The following POLA1 variants were observed in gnomAD, a reference collection of about 807,000 sequenced individuals.
The protein encoded by POLA1 is DNA polymerase alpha 1, catalytic subunit.
A neutral mutation model predicts 124.0 loss-of-function variants in POLA1; 15 were observed. The ratio of observed to expected loss-of-function variants is 0.12; its 90% CI spans 0.08 to 0.19. POLA1 has a LOEUF of 0.19. Ranked by LOEUF, POLA1 falls within the 10% of genes least tolerant of loss-of-function variation. POLA1 has a pLI of 1.00. For missense variants in POLA1, 886 were observed against 1,103.4 expected, an observed-to-expected ratio of 0.80 and a Z score of 2.79; for synonymous variants, 408 against 389.4, an observed-to-expected ratio of 1.05 and a Z score of -0.56.
intron 34 of POLA1, 128 bp downstream of exon 34, chrX:24,843,805 C>A: frequency 2.9e-6 from 1 of 343,705 alleles, no homozygotes; most frequent in Non-Finnish European, 4.9e-6. Flanking sequence ...ACTATTAATA[C>A]AAATATGATA....
chrX:24,736,526 A>T (rs1018380431), intron 18 of POLA1, among the ~76,000 whole-genome samples: 11 of 111,871 alleles, frequency 9.8e-5, no homozygotes, highest in African/African-American at 3.6e-4. Context: ...TGCGTGAGAA[A>T]TCTAGATGTA....
At chrX:24,957,883 A>G (rs890842866) in intron 36 of POLA1, among the ~76,000 whole-genome samples, 5 of 110,074 alleles carry the variant, frequency 4.5e-5, no homozygotes, top group African/African-American at 1.7e-4. Context: ...TAGTTGGAAG[A>G]TTTTAGTCAT....
At chrX:24,990,094 G>A (rs757803871) in intron 36 of POLA1, among the ~76,000 whole-genome samples, 2 of 111,907 alleles carry the variant, frequency 1.8e-5, no homozygotes, top group East Asian at 5.6e-4. Context: ...ACAGAGATAC[G>A]TGTAAAATAC....
At chrX:24,848,339 C>T (rs189581578) in intron 34 of POLA1, among the ~76,000 whole-genome samples, 7 of 112,082 alleles carry the variant, frequency 6.2e-5, no homozygotes, top group East Asian at 5.6e-4. Flanking sequence ...CTTATGCACA[C>T]GTTTAAGCAC....
chrX:24,983,795 G>A (rs1000132896), intron 36 of POLA1, among the ~76,000 whole-genome samples: 2 of 48,117 alleles, frequency 4.2e-5, no homozygotes, highest in African/African-American at 1.7e-4. Context: ...TGTGTAGATC[G>A]TCCTGTCTTA....
At chrX:24,905,724 G>A (rs966129381) in intron 35 of POLA1, among the ~76,000 whole-genome samples, 1 of 110,274 alleles carries the variant, frequency 9.1e-6, no homozygotes, top group Non-Finnish European at 1.9e-5. Context: ...CACCACGCCC[G>A]GCTAATTTTT....
chrX:24,756,478 G>T (rs1003264152), intron 26 of POLA1, among the ~76,000 whole-genome samples: 1 of 109,268 alleles, frequency 9.2e-6, no homozygotes, highest in Non-Finnish European at 1.9e-5. Flanking sequence ...CAGGAGAACT[G>T]CTTGAACCCG....
At chrX:24,889,023 C>T (rs1251137280) in intron 35 of POLA1, among the ~76,000 whole-genome samples, 3 of 110,776 alleles carry the variant, frequency 2.7e-5, no homozygotes, top group African/African-American at 9.9e-5. Context: ...GCGTATGCCA[C>T]CACACCTGGC....
At chrX:24,923,296 G>A (rs1484142214) in intron 35 of POLA1, among the ~76,000 whole-genome samples, 1 of 111,377 alleles carries the variant, frequency 9.0e-6, no homozygotes, top group Non-Finnish European at 1.9e-5. Flanking sequence ...TTAGTATGTT[G>A]TTATTAATTG....
intron 26 of POLA1, among the ~76,000 whole-genome samples, chrX:24,773,404 A>G (rs750732521): frequency 8.9e-6 from 1 of 111,939 alleles, no homozygotes; most frequent in Non-Finnish European, 1.9e-5. Context: ...TATGCCACAA[A>G]GTGAGAAGGA....
At chrX:24,818,500 A>G (rs1353507471) in intron 30 of POLA1, among the ~76,000 whole-genome samples, 1 of 111,437 alleles carries the variant, frequency 9.0e-6, no homozygotes, top group Admixed American at 9.6e-5. Flanking sequence ...GTAAGTTTAC[A>G]TAACTTGGGC....
chrX:24,708,003 G>A (rs761378789), intron 4 of POLA1, among the ~76,000 whole-genome samples: 1 of 111,824 alleles, frequency 8.9e-6, no homozygotes, highest in African/African-American at 3.3e-5. Flanking sequence ...AAACCATAGA[G>A]AAAAATATCA....
chrX:24,894,186 A>G (rs1037846627), intron 35 of POLA1, among the ~76,000 whole-genome samples: 5 of 112,281 alleles, frequency 4.5e-5, no homozygotes. Context: ...TGCTCTCACT[A>G]GCACTAGTAT....
chrX:24,724,528 T>A (rs1930413653), intron 12 of POLA1, 77 bp downstream of exon 12: 1 of 515,507 alleles, frequency 1.9e-6, no homozygotes. Context: ...TATTGCATAT[T>A]TTCTTTGTGT....
chrX:24,862,345 A>C (rs1313512543), intron 34 of POLA1, among the ~76,000 whole-genome samples: 1 of 111,568 alleles, frequency 9.0e-6, no homozygotes, highest in Non-Finnish European at 1.9e-5. Context: ...TCTTGTTGAT[A>C]ATTTGTTTTC....
At chrX:24,768,512 T>A (rs1184578550) in intron 26 of POLA1, among the ~76,000 whole-genome samples, 1 of 112,388 alleles carries the variant, frequency 8.9e-6, no homozygotes, top group Non-Finnish European at 1.9e-5. Context: ...GTTGTTTGCC[T>A]TAAGCAGAAT....
At chrX:24,970,006 C>T (rs77545235) in intron 36 of POLA1, among the ~76,000 whole-genome samples, 1 of 112,534 alleles carries the variant, frequency 8.9e-6, no homozygotes, top group South Asian at 3.7e-4. Context: ...GACCTCGTTC[C>T]TTTTTTATGG....
At chrX:24,720,985 A>C (rs1428051441) in intron 10 of POLA1, among the ~76,000 whole-genome samples, 1 of 113,051 alleles carries the variant, frequency 8.8e-6, no homozygotes, top group African/African-American at 3.2e-5. Context: ...ATTTATTTCA[A>C]CTAGTGCTGG....
chrX:24,940,719 G>A (rs951723773), intron 36 of POLA1, among the ~76,000 whole-genome samples: 20 of 112,043 alleles, frequency 1.8e-4, no homozygotes, highest in Non-Finnish European at 3.4e-4. Context: ...AAAAGGTTCA[G>A]CTCAGGAGAT....
Sources: gnomAD v4.1 joint callset for allele counts (sites outside exome capture counted in the v4.1 genomes callset) on GRCh38, gnomAD v4.1.1 for gene constraint, MANE v1.5 for transcripts, NCBI Gene and HGNC (gene_info 2026-07-23, HGNC 2026-07-21) for gene names.